ZBTB40: variants seen among roughly 807,000 people sequenced by gnomAD.
ZBTB40 encodes zinc finger and BTB domain-containing protein 40.
ZBTB40 carries 60 observed loss-of-function variants against 117.5 expected under a neutral mutation model. The ratio of observed to expected loss-of-function variants is 0.51; its 90% confidence interval spans 0.41 to 0.63. ZBTB40 has a LOEUF of 0.63. Ranked by LOEUF, ZBTB40 falls within the 30% of genes least tolerant of loss-of-function variation. The pLI, the probability that ZBTB40 is intolerant of heterozygous loss-of-function variation, is 0.00. For synonymous variants in ZBTB40, 525 were observed against 577.1 expected (o/e 0.91, Z 1.29); for missense variants, 1,287 against 1,498.5 (o/e 0.86, Z 2.33).
chr1:22,507,764 A>T (rs573892070), intron 6 of ZBTB40, among the ~76,000 whole-genome samples: 3 of 152,248 alleles, frequency 2.0e-5, no homozygotes, highest in African/African-American at 7.2e-5. Context: ...GCTAGCTCCT[A>T]CCACCAGGCA....
chr1:22,474,738 C>A (rs1569804743), intron 1 of ZBTB40, among the ~76,000 whole-genome samples: 1 of 152,064 alleles, frequency 6.6e-6, no homozygotes, highest in Non-Finnish European at 1.5e-5. Flanking sequence ...TTAGTTTCCT[C>A]CTTTAAAAAG....
chr1:22,438,676 A>G (rs1399593120), intron 1 of ZBTB40, among the ~76,000 whole-genome samples: 2 of 152,086 alleles, frequency 1.3e-5, no homozygotes, highest in African/African-American at 4.8e-5. Flanking sequence ...CCTTGCCAAC[A>G]CTTACTAGTT....
At chr1:22,481,787 C>CAAA (rs766474050) in intron 1 of ZBTB40, among the ~76,000 whole-genome samples, 1,431 of 64,286 alleles carry the variant, frequency 0.022, 338 homozygotes, top group African/African-American at 0.079. Flanking sequence ...CTTGTTTTAC[C>CAAA]AAAAAAAAAA....
chr1:22,489,754 C>T, intron 1 of ZBTB40, 126 bp from the exon 2 acceptor site: 1 of 650,876 alleles, frequency 1.5e-6, no homozygotes, highest in Non-Finnish European at 2.8e-6. Flanking sequence ...CATACTGTCC[C>T]TTCCTATTAA....
chr1:22,508,769 T>A, intron 8 of ZBTB40, 38 bp downstream of exon 8: 8 of 1,573,268 alleles, frequency 5.1e-6, no homozygotes, highest in Non-Finnish European at 7.0e-6. Flanking sequence ...TTGCCCCCAC[T>A]AGAGATGACT....
intron 1 of ZBTB40, among the ~76,000 whole-genome samples, chr1:22,465,763 G>A (rs966723032): frequency 6.6e-6 from 1 of 152,138 alleles, no homozygotes; most frequent in East Asian, 1.9e-4. Flanking sequence ...GGTTTGGGGG[G>A]TTTCAGCTGC....
At chr1:22,435,164 C>T (rs2124362098) in intron 1 of ZBTB40, among the ~76,000 whole-genome samples, 1 of 151,858 alleles carries the variant, frequency 6.6e-6, no homozygotes. Flanking sequence ...CCATGCCCAG[C>T]TAATTTTTGT....
At chr1:22,429,237 C>G (rs1330438185) in intron 1 of ZBTB40, among the ~76,000 whole-genome samples, 1 of 152,078 alleles carries the variant, frequency 6.6e-6, no homozygotes, top group Non-Finnish European at 1.5e-5. Context: ...AAAAAATTAG[C>G]CGGGCGTGGT....
intron 9 of ZBTB40, 108 bp downstream of exon 9, chr1:22,509,341 C>A (rs1054117850): frequency 2.0e-6 from 3 of 1,481,828 alleles, no homozygotes; most frequent in East Asian, 2.3e-5. Context: ...GTTTTTCCTT[C>A]TTTTTTTTTC....
At chr1:22,432,674 T>G (rs1640608295) in intron 1 of ZBTB40, among the ~76,000 whole-genome samples, 1 of 152,224 alleles carries the variant, frequency 6.6e-6, no homozygotes, top group Non-Finnish European at 1.5e-5. Context: ...ATTTCCATGG[T>G]TTTTGTCTCC....
At chr1:22,522,985 T>C (rs1292451586) in intron 16 of ZBTB40, among the ~76,000 whole-genome samples, 2 of 140,118 alleles carry the variant, frequency 1.4e-5, no homozygotes, top group South Asian at 2.5e-4. Context: ...TCTCACTCTG[T>C]CACCCAGGCT....
intron 1 of ZBTB40, among the ~76,000 whole-genome samples, chr1:22,458,048 ATCT>A (rs888775274): frequency 5.3e-5 from 8 of 152,198 alleles, no homozygotes; most frequent in Admixed American, 5.2e-4. Context: ...TGGTGCCATG[ATCT>A]TCTCTTTCAG....
intron 1 of ZBTB40, among the ~76,000 whole-genome samples, chr1:22,489,233 A>G (rs1156350614): frequency 6.6e-6 from 1 of 152,162 alleles, no homozygotes; most frequent in African/African-American, 2.4e-5. Flanking sequence ...AAGCTATGGA[A>G]TCAGAAGAGA....
chr1:22,508,747 T>A lies in ZBTB40; in HGVS notation c.1699+16T>A, dbSNP rs1352125191. The A allele has an allele frequency of 8.1e-6, 13 of 1,610,616 alleles. No individual in the cohort carries two copies. The highest frequency in any genetic ancestry group is 1.1e-5 in the Non-Finnish European group (13 of 1,178,446). The stretch of plus-strand genomic sequence containing the variant: ...TTCCGGGCAGGTAAGTTACCTGCCC[T>A]CTGGGGGGGTTTTGCCCCCACTAGA... On this transcript the variant is annotated intron_variant, in intron 8 of 17. Transcript: ENST00000375647.
intron 1 of ZBTB40, among the ~76,000 whole-genome samples, chr1:22,481,179 T>C (rs1638298910): frequency 6.6e-6 from 1 of 152,194 alleles, no homozygotes; most frequent in African/African-American, 2.4e-5. Flanking sequence ...AAAAGCATTT[T>C]TATGTTTTAT....
At chr1:22,470,606 G>A (rs1316640103) in intron 1 of ZBTB40, among the ~76,000 whole-genome samples, 3 of 152,308 alleles carry the variant, frequency 2.0e-5, no homozygotes, top group South Asian at 4.1e-4. Flanking sequence ...CCAGTAGGAG[G>A]GTACTCTGAG....
chr1:22,470,782 G>A (rs1342309091), intron 1 of ZBTB40, among the ~76,000 whole-genome samples: 4 of 152,300 alleles, frequency 2.6e-5, no homozygotes, highest in Middle Eastern at 3.4e-3. Flanking sequence ...GGCAGTGCCC[G>A]TGCCGTGTAG....
intron 1 of ZBTB40, among the ~76,000 whole-genome samples, chr1:22,476,698 T>C (rs564715719): frequency 6.6e-6 from 1 of 152,394 alleles, no homozygotes; most frequent in South Asian, 2.1e-4. Context: ...TCTAAGTATC[T>C]TTATTCTATA....
intron 1 of ZBTB40, among the ~76,000 whole-genome samples, chr1:22,465,582 C>T (rs1488110564): frequency 6.6e-6 from 1 of 152,190 alleles, no homozygotes; most frequent in East Asian, 1.9e-4. Context: ...ACTCTGTCTG[C>T]CTGCTGTTGT....
Sources: gnomAD v4.1 joint callset for allele counts (sites outside exome capture counted in the v4.1 genomes callset) on GRCh38, gnomAD v4.1.1 for gene constraint, MANE v1.5 for transcripts, NCBI Gene and HGNC (gene_info 2026-07-23, HGNC 2026-07-21) for gene names.